KCNG2: variants seen among roughly 807,000 people sequenced by gnomAD.
The protein encoded by KCNG2 is potassium voltage-gated channel modifier subfamily G member 2.
Under a neutral mutation model 12.3 loss-of-function variants are expected in KCNG2, and 7 were observed. The observed-to-expected ratio is 0.57, with a 90% confidence interval of 0.32 to 1.07. The LOEUF is 1.07. Ranked by LOEUF, KCNG2 falls within the 50% of genes least tolerant of loss-of-function variation. The pLI is 0.04. For missense variants in KCNG2, 703 were observed against 726.0 expected, an observed-to-expected ratio of 0.97 and a Z score of 0.36; for synonymous variants, 414 against 351.4, an observed-to-expected ratio of 1.18 and a Z score of -1.99.
chr18:79,870,567 G>A (rs971544839), intron 3 of KCNG2, among the ~76,000 whole-genome samples: 3 of 147,932 alleles, frequency 2.0e-5, no homozygotes, highest in Middle Eastern at 3.4e-3. Flanking sequence ...AGGACAGACT[G>A]TGCATCTGCT....
Position 79,863,839 on chromosome 18 carries a change from G to C in KCNG2, c.172G>C (p.Val58Leu). 1 of 1,449,516 alleles carries C rather than the reference G, an allele frequency of 6.9e-7. No homozygotes were observed. The highest frequency in any genetic ancestry group is 1.3e-5 in the South Asian group (1 of 77,210). The allele number at this position is 1,449,516 out of a possible 1,614,324, so 89.8% of individuals were successfully genotyped here. The change falls in exon 3 of 4, where the codon GTG (valine) becomes CTG (leucine). Residue 58 changes from valine to leucine, a missense_variant. Coordinates refer to ENST00000316249, the MANE Select transcript of KCNG2 (RefSeq NM_012283.2). The stretch of plus-strand genomic sequence containing the variant: ...CCGCGGCCACGACGACCTGCTGCGC[G>C]TGTGTGACGACTACGACGTGAGCCG... ...ACRGHDDLLR[V>L]CDDYDVSRDE...
intron 3 of KCNG2, among the ~76,000 whole-genome samples, chr18:79,892,862 G>T (rs1980795786): frequency 6.6e-6 from 1 of 151,634 alleles, no homozygotes; most frequent in African/African-American, 2.4e-5. Context: ...GTCTGCTTTT[G>T]ATTGGGTTCT....
rs115076380 is a variant in KCNG2 at position 79,840,832 on chromosome 18, A to G, written c.-114-15547A>G. On this transcript the variant is annotated intron_variant, in intron 1 of 3. Coordinates refer to ENST00000316249, the MANE Select transcript of KCNG2 (RefSeq NM_012283.2). ...TTTGACAGAGGTTCAAAAGTGATTC[A>G]GTAAAGTAAATATAACCTTTTCAAC... 5.4e-3 allele frequency among the ~76,000 whole-genome samples: 819 copies of G among 152,340 alleles called. 7 individuals are homozygous for G. Among genetic ancestry groups the G allele is most frequent in the African/African-American group, 0.019 (773 of 41,570 alleles).
Position 79,899,522 on chromosome 18 carries a change from C to T in KCNG2, c.1107C>T (p.Thr369=), listed in dbSNP as rs3744887. 133 of 1,606,990 alleles carry T rather than the reference C, an allele frequency of 8.3e-5. 1 individual carries two copies. The East Asian group carries it at 2.0e-3, about 24-fold the overall frequency. ...GGTGGGCCGTCATCTCCATGACCAC[C>T]GTGGGCTACGGCGACATGGTCCCGC... is the stretch of plus-strand genomic sequence containing the variant. ...SYWWAVISMT[T]VGYGDMVPRS... is the part of the protein sequence containing the mutation. The change falls in exon 4 of 4, where the codon ACC becomes ACT. Residue 369 remains threonine (T), a synonymous_variant. Transcript: ENST00000316249.
intron 2 of KCNG2, among the ~76,000 whole-genome samples, chr18:79,858,175 A>G (rs973693927): frequency 6.6e-6 from 1 of 151,546 alleles, no homozygotes; most frequent in African/African-American, 2.4e-5. Context: ...TAAGTTTTGT[A>G]TTTTTTGGTA....
intron 3 of KCNG2, among the ~76,000 whole-genome samples, chr18:79,887,144 AG>A: frequency 6.9e-6 from 1 of 145,522 alleles, no homozygotes; most frequent in Middle Eastern, 3.5e-3. Context: ...GGACACGGAC[AG>A]GGACACGGGG....
intron 3 of KCNG2, among the ~76,000 whole-genome samples, chr18:79,866,271 GA>G (rs1269213193): frequency 6.7e-6 from 1 of 148,648 alleles, no homozygotes; most frequent in Non-Finnish European, 1.5e-5. Flanking sequence ...TGTGTGCTGA[GA>G]GATCTGTGTG....
intron 3 of KCNG2, among the ~76,000 whole-genome samples, chr18:79,880,988 C>G (rs992772544): frequency 5.3e-5 from 8 of 152,200 alleles, no homozygotes; most frequent in African/African-American, 1.9e-4. Flanking sequence ...CAAAAAAACC[C>G]TACAGCTAAC....
chr18:79,802,066 G>C (rs1225566066), intron 1 of KCNG2, among the ~76,000 whole-genome samples: 1 of 152,216 alleles, frequency 6.6e-6, no homozygotes, highest in East Asian at 1.9e-4. Context: ...TTGTGGATGT[G>C]ACTTGCGTTT....
intron 3 of KCNG2, among the ~76,000 whole-genome samples, chr18:79,871,225 T>C (rs1375541287): frequency 6.6e-6 from 1 of 152,230 alleles, no homozygotes; most frequent in African/African-American, 2.4e-5. Flanking sequence ...CCTTATGAGC[T>C]GACAAATCGC....
At chr18:79,891,269 C>T (rs1980734743) in intron 3 of KCNG2, among the ~76,000 whole-genome samples, 1 of 151,814 alleles carries the variant, frequency 6.6e-6, no homozygotes, top group Non-Finnish European at 1.5e-5. Context: ...CTCGCTCTGT[C>T]ACCCAGGCTG....
chr18:79,856,548 G>A (rs1219502597), intron 2 of KCNG2, among the ~76,000 whole-genome samples, 96 bp downstream of exon 2: 1 of 152,186 alleles, frequency 6.6e-6, no homozygotes, highest in Non-Finnish European at 1.5e-5. Flanking sequence ...GTGGGTTCTT[G>A]TGCCTTCTGC....
chr18:79,832,308 T>TCCTCAG (rs1227322335), intron 1 of KCNG2, among the ~76,000 whole-genome samples: 9 of 149,118 alleles, frequency 6.0e-5, no homozygotes, highest in Non-Finnish European at 1.2e-4. Context: ...TCACTGTCCT[T>TCCTCAG]CCTCAGCTGC....
At chr18:79,894,693 G>T (rs376887049) in intron 3 of KCNG2, among the ~76,000 whole-genome samples, 5 of 91,414 alleles carry the variant, frequency 5.5e-5, no homozygotes, top group African/African-American at 1.2e-4. Flanking sequence ...TTGATATAGT[G>T]GGGTCTGTGT....
chr18:79,883,038 C>T (rs1186075308), intron 3 of KCNG2, among the ~76,000 whole-genome samples: 3 of 152,266 alleles, frequency 2.0e-5, no homozygotes, highest in Non-Finnish European at 4.4e-5. Flanking sequence ...ACGGCCTAGC[C>T]CGGAAGCAGC....
At chr18:79,835,410 A>G (rs937819768) in intron 1 of KCNG2, among the ~76,000 whole-genome samples, 1 of 152,250 alleles carries the variant, frequency 6.6e-6, no homozygotes, top group East Asian at 1.9e-4. Flanking sequence ...AGCCGTTGTA[A>G]AAATACTTCA....
chr18:79,889,658 C>G (rs762019623), intron 3 of KCNG2, among the ~76,000 whole-genome samples: 5 of 152,188 alleles, frequency 3.3e-5, no homozygotes, highest in Non-Finnish European at 7.3e-5. Flanking sequence ...TTTCTATATA[C>G]GAGGTCCTGT....
intron 1 of KCNG2, among the ~76,000 whole-genome samples, chr18:79,798,273 G>A (rs1439938182): frequency 6.6e-6 from 1 of 151,392 alleles, no homozygotes; most frequent in Non-Finnish European, 1.5e-5. Flanking sequence ...CCCAGAGTCC[G>A]GGAGTCGAGG....
intron 3 of KCNG2, among the ~76,000 whole-genome samples, chr18:79,879,248 C>T (rs764509831): frequency 8.5e-5 from 13 of 152,198 alleles, no homozygotes; most frequent in Admixed American, 2.6e-4. Context: ...CAGGGCCTGA[C>T]GAAGGCCAGC....
Sources: gnomAD v4.1 joint callset for allele counts (sites outside exome capture counted in the v4.1 genomes callset) on GRCh38, gnomAD v4.1.1 for gene constraint, MANE v1.5 for transcripts, NCBI Gene and HGNC (gene_info 2026-07-23, HGNC 2026-07-21) for gene names.